CGNL1: variants seen among roughly 807,000 people sequenced by gnomAD.
CGNL1 encodes cingulin like 1.
CGNL1 carries 132 observed loss-of-function variants against 141.2 expected under a neutral mutation model. The ratio of observed to expected loss-of-function variants is 0.93; its 90% CI spans 0.81 to 1.08. CGNL1 has a LOEUF of 1.08. CGNL1 is among the 50% of genes least tolerant of loss of function. The probability of loss-of-function intolerance (pLI) is 0.00; values close to 1 mark genes in which losing one functional copy is unlikely to be tolerated. For synonymous variants in CGNL1, 690 were observed against 622.1 expected, an observed-to-expected ratio of 1.11 and a Z score of -1.63; for missense variants, 1,870 against 1,588.6, an observed-to-expected ratio of 1.18 and a Z score of -3.01.
chr15:57,452,136 GT>G lies in CGNL1; in HGVS notation c.1906-3del, dbSNP rs758325322. The G allele has an allele frequency of 6.2e-7, 1 of 1,610,814 alleles. No individual in the cohort carries two copies. Among genetic ancestry groups the G allele is most frequent in the African/African-American group, 1.3e-5 (1 of 74,602 alleles). The stretch of plus-strand genomic sequence containing the variant: ...GCTCTTTAAAATCACACTGATTCCT[GT>G]TAGAATCAACAGAACATTAAAGAAG... On this transcript the variant is annotated splice_region_variant and splice_polypyrimidine_tract_variant and intron_variant, in intron 5 of 18. Coordinates refer to ENST00000281282, the MANE Select transcript of CGNL1 (RefSeq NM_032866.5).
At chr15:57,468,603 C>T (rs930194105) in intron 8 of CGNL1, among the ~76,000 whole-genome samples, 13 of 150,764 alleles carry the variant, frequency 8.6e-5, no homozygotes, top group Non-Finnish European at 1.8e-4. Flanking sequence ...AAAGAATAAA[C>T]AAAAAGAGTT....
Position 57,545,617 on chromosome 15 carries a change from A to G in CGNL1, c.3526A>G (p.Asn1176Asp). Residue 1176 changes from asparagine (N) to aspartate (D), a missense_variant, in exon 17 of 19, where the codon AAC becomes GAC. By Grantham distance (23) the Asn-to-Asp change is conservative. Transcript: ENST00000281282. Reference sequence around the variant, plus strand: ...GGATCGGGCCAATCTTCAGCTCAGCAACCGGCGGCTGGAGCGGAAAGTGAA... The same window carrying G: ...GGATCGGGCCAATCTTCAGCTCAGCGACCGGCGGCTGGAGCGGAAAGTGAA... ...ERDRANLQLS[N>D]RRLERKVKEL... 6.2e-7 allele frequency: 1 copy of G among 1,613,692 alleles called. No individual in the cohort carries two copies. The highest frequency in any genetic ancestry group is 8.5e-7 in the Non-Finnish European group (1 of 1,179,918).
chr15:57,406,652 C>A (rs1511953), intron 1 of CGNL1, among the ~76,000 whole-genome samples: 118,057 of 152,048 alleles, frequency 0.78, 45,887 homozygotes, highest in East Asian at 0.86. Flanking sequence ...TCAGGAAACC[C>A]GACACCCGTC....
At position 57,396,264 on chromosome 15, in the gene CGNL1, ACTTT is replaced by A. The variant is rs1452912161; in HGVS notation, c.-16+19706_-16+19709del. Among the ~76,000 whole-genome samples the A allele has an allele frequency of 2.3e-4, 32 of 141,620 alleles. No individual in the cohort carries two copies. The South Asian group carries it at 2.7e-3, about 12-fold the overall frequency. 92.9% of individuals were successfully genotyped at this position (141,620 alleles called of 152,430 possible). ...TTGGTTGTTATTTATTGTGCTACTT[ACTTT>A]CTTTCTTTGTTTTTTTTTTTTTTTT... On this transcript the variant is annotated intron_variant, in intron 1 of 18. Coordinates refer to ENST00000281282, the MANE Select transcript of CGNL1 (RefSeq NM_032866.5).
Position 57,453,671 on chromosome 15 carries a change from C to T in CGNL1, c.2055-12C>T. 1 of 1,613,376 alleles carries T rather than the reference C, an allele frequency of 6.2e-7. No individual in the cohort carries two copies. The highest frequency in any genetic ancestry group is 8.5e-7 in the Non-Finnish European group (1 of 1,179,684). ...CAGAAGAGCCTGTCTAATGGGCTTC[C>T]TTCCCTGCCAGGCTATTCCAGGTGA... is the stretch of plus-strand genomic sequence containing the variant. On this transcript the variant is annotated splice_polypyrimidine_tract_variant and intron_variant, in intron 6 of 18. Coordinates refer to ENST00000281282, the MANE Select transcript of CGNL1 (RefSeq NM_032866.5).
intron 15 of CGNL1, 100 bp from the exon 16 acceptor site, chr15:57,544,373 A>C: frequency 1.4e-6 from 2 of 1,434,528 alleles, no homozygotes; most frequent in Non-Finnish European, 1.9e-6. Flanking sequence ...GCCTCATCGC[A>C]TGCAGCGACC....
intron 8 of CGNL1, among the ~76,000 whole-genome samples, chr15:57,487,836 C>T (rs1039399316): frequency 2.0e-5 from 3 of 152,194 alleles, no homozygotes; most frequent in Non-Finnish European, 4.4e-5. Flanking sequence ...CAAAGAGAGT[C>T]ACCAATATTC....
At chr15:57,497,308 G>C (rs1434119642) in intron 8 of CGNL1, among the ~76,000 whole-genome samples, 1 of 136,038 alleles carries the variant, frequency 7.4e-6, no homozygotes, top group Non-Finnish European at 1.5e-5. Flanking sequence ...GGAACTCACT[G>C]TTTGTTTTGT....
intron 7 of CGNL1, among the ~76,000 whole-genome samples, chr15:57,459,597 T>C (rs2063421029): frequency 6.6e-6 from 1 of 152,148 alleles, no homozygotes; most frequent in African/African-American, 2.4e-5. Context: ...ATAGAGGCTG[T>C]AGGTGAGAGC....
intron 8 of CGNL1, among the ~76,000 whole-genome samples, chr15:57,499,755 C>G (rs189658693): frequency 6.6e-6 from 1 of 152,132 alleles, no homozygotes; most frequent in South Asian, 2.1e-4. Context: ...GTACTTTCCA[C>G]AGATAGTTGT....
intron 7 of CGNL1, among the ~76,000 whole-genome samples, chr15:57,461,296 G>C (rs780965190): frequency 6.6e-6 from 1 of 152,174 alleles, no homozygotes; most frequent in Non-Finnish European, 1.5e-5. Context: ...AAGCAAGGTA[G>C]GCAAGCTGGC....
chr15:57,460,512 G>A (rs1217662557), intron 7 of CGNL1, among the ~76,000 whole-genome samples: 1 of 152,112 alleles, frequency 6.6e-6, no homozygotes, highest in Non-Finnish European at 1.5e-5. Flanking sequence ...CCTGAGACTG[G>A]GTAATTTATA....
chr15:57,496,114 C>G (rs1751905631), intron 8 of CGNL1, among the ~76,000 whole-genome samples: 1 of 152,104 alleles, frequency 6.6e-6, no homozygotes, highest in South Asian at 2.1e-4. Context: ...CAGGGTTATT[C>G]TAAAGCTCAC....
intron 1 of CGNL1, among the ~76,000 whole-genome samples, chr15:57,433,467 G>T (rs1264451025): frequency 6.6e-6 from 1 of 152,218 alleles, no homozygotes; most frequent in Non-Finnish European, 1.5e-5. Flanking sequence ...TGATGCAGGG[G>T]TGATCCCCGG....
intron 14 of CGNL1, among the ~76,000 whole-genome samples, chr15:57,532,251 AAATT>A (rs2031993397): frequency 6.6e-6 from 1 of 152,214 alleles, no homozygotes; most frequent in Non-Finnish European, 1.5e-5. Flanking sequence ...TAGTGAATAC[AAATT>A]AATTATCTTT....
intron 8 of CGNL1, among the ~76,000 whole-genome samples, chr15:57,496,928 G>A (rs1314225515): frequency 6.6e-6 from 1 of 152,216 alleles, no homozygotes; most frequent in Non-Finnish European, 1.5e-5. Context: ...AGAGCCAGGG[G>A]CCAGGCACAG....
At chr15:57,468,559 C>CAT (rs2063540161) in intron 8 of CGNL1, among the ~76,000 whole-genome samples, 1 of 145,850 alleles carries the variant, frequency 6.9e-6, no homozygotes, top group South Asian at 2.2e-4. Context: ...AAAAAGTTTG[C>CAT]GTGTGTGTGT....
intron 1 of CGNL1, among the ~76,000 whole-genome samples, chr15:57,396,173 T>C (rs138809058): frequency 3.2e-4 from 49 of 152,334 alleles, no homozygotes; most frequent in Middle Eastern, 3.4e-3. Flanking sequence ...TTGTATAGTT[T>C]AATGTACAAA....
chr15:57,435,177 A>G (rs984941501), intron 1 of CGNL1, among the ~76,000 whole-genome samples: 10 of 152,172 alleles, frequency 6.6e-5, no homozygotes, highest in African/African-American at 2.4e-4. Context: ...ATTTTATAAG[A>G]AAAGTTCTGT....
Sources: allele counts gnomAD v4.1 joint callset (sites outside exome capture counted in the v4.1 genomes callset), GRCh38; gene constraint gnomAD v4.1.1; transcripts MANE v1.5; gene names NCBI Gene and HGNC (gene_info 2026-07-23, HGNC 2026-07-21).